FBLN7: variants seen among roughly 807,000 people sequenced by gnomAD.
The protein encoded by FBLN7 is fibulin-7.
In FBLN7, 31 loss-of-function variants were observed where a neutral mutation model predicts 44.0. The ratio of observed to expected loss-of-function variants is 0.70; its 90% confidence interval spans 0.53 to 0.95. The LOEUF is 0.95. FBLN7 is among the 40% of genes least tolerant of loss of function. The pLI is 0.00. For synonymous variants in FBLN7, 262 were observed against 253.4 expected, an observed-to-expected ratio of 1.03 and a Z score of -0.32; for missense variants, 573 against 618.5, an observed-to-expected ratio of 0.93 and a Z score of 0.78.
At chr2:112,209,280 C>T in the FBLN7 span, among the ~76,000 whole-genome samples, 8 of 152,176 alleles carry the variant, frequency 5.3e-5, 1 homozygote, top group Middle Eastern at 6.3e-3. Context: ...CCCCCTTTAT[C>T]TGCACCTCCG....
At chr2:112,168,079 C>T (rs1018312237) in intron 3 of FBLN7, among the ~76,000 whole-genome samples, 10 of 152,154 alleles carry the variant, frequency 6.6e-5, no homozygotes, top group South Asian at 2.1e-4. Context: ...ACCTGCCAGG[C>T]GTCCAGCAAG....
At position 112,162,269 on chromosome 2, in the gene FBLN7, C is replaced by G. The variant is rs1163617047; in HGVS notation, c.235+2434C>G. On this transcript the variant is annotated intron_variant, in intron 2 of 7. Coordinates refer to ENST00000331203, the MANE Select transcript of FBLN7 (RefSeq NM_153214.3). ...AAGCGATCCTCCAGCCTCAGCTTCGCAAAGTGCTGGGATTACAGGCGGGTG... is the reference window on the plus strand; with the variant it reads ...AAGCGATCCTCCAGCCTCAGCTTCGGAAAGTGCTGGGATTACAGGCGGGTG... Among the ~76,000 whole-genome samples the G allele has an allele frequency of 1.3e-5, 2 of 151,424 alleles. 1 individual carries two copies. The highest frequency in any genetic ancestry group is 4.2e-4 in the South Asian group (2 of 4,802).
chr2:112,173,743 C>T (rs1434317872), intron 3 of FBLN7, among the ~76,000 whole-genome samples: 1 of 152,192 alleles, frequency 6.6e-6, no homozygotes, highest in Non-Finnish European at 1.5e-5. Flanking sequence ...TGACTGAATG[C>T]CACAGCCTGG....
In FBLN7 at chr2:112,182,799, G is replaced by T. The variant is rs776911504; in HGVS notation, c.679G>T (p.Glu227Ter). ...AGCACTTCTGTCTGCAGACGTGAACGAGTGTGAGCTCTACGGGCAGGAGGG... is the reference window on the plus strand; with the variant it reads ...AGCACTTCTGTCTGCAGACGTGAACTAGTGTGAGCTCTACGGGCAGGAGGG... ...AGDSVCQDVN[E>*]CELYGQEGRP... The change falls in exon 6 of 8, where the codon GAG (glutamate) becomes TAG (stop). Residue 227 changes from glutamate to a stop codon, truncating the protein, a stop_gained. Coordinates refer to ENST00000331203, the MANE Select transcript of FBLN7 (RefSeq NM_153214.3). LOFTEE classifies it high-confidence loss of function. 1.9e-6 allele frequency: 3 copies of T among 1,602,460 alleles called. No homozygotes were observed.
At chr2:112,153,309 C>G (rs1681257066) in intron 1 of FBLN7, 1 of 152,210 alleles carries the variant, frequency 6.6e-6, no homozygotes, top group South Asian at 2.1e-4. Flanking sequence ...CATCTGTGTT[C>G]CCATTAACAA....
chr2:112,159,194 T>TG (rs1681590220), intron 1 of FBLN7, among the ~76,000 whole-genome samples: 1 of 151,804 alleles, frequency 6.6e-6, no homozygotes, highest in African/African-American at 2.4e-5. Flanking sequence ...CTAGTGAGTT[T>TG]TTTTTTTTCT....
At chr2:112,238,456 T>C in the FBLN7 span, 1 of 1,613,482 alleles carries the variant, frequency 6.2e-7, no homozygotes, top group South Asian at 1.1e-5. Context: ...TCATTATCAC[T>C]ATATACATCA....
At chr2:112,173,818 A>T (rs1466850514) in intron 3 of FBLN7, among the ~76,000 whole-genome samples, 3 of 152,258 alleles carry the variant, frequency 2.0e-5, no homozygotes, top group Admixed American at 1.3e-4. Context: ...CGGGCTGGAC[A>T]TCAGGCCATT....
At chr2:112,181,359 A>G (rs1485693809) in intron 4 of FBLN7, among the ~76,000 whole-genome samples, 3 of 152,206 alleles carry the variant, frequency 2.0e-5, no homozygotes, top group African/African-American at 4.8e-5. Flanking sequence ...GAATACACAC[A>G]CACACACAAA....
At chr2:112,191,517 T>C (rs1683490833), downstream of FBLN7, among the ~76,000 whole-genome samples, 1 of 152,088 alleles carries the variant, frequency 6.6e-6, no homozygotes, top group Non-Finnish European at 1.5e-5. Flanking sequence ...CTCTATCTGC[T>C]CTCTTTCTCT....
chr2:112,234,450 A>G, the FBLN7 span, among the ~76,000 whole-genome samples: 51 of 152,190 alleles, frequency 3.4e-4, 3 homozygotes, highest in Non-Finnish European at 1.5e-4. Flanking sequence ...TAATGTTTGT[A>G]TTGATTTGAA....
the FBLN7 span, among the ~76,000 whole-genome samples, chr2:112,242,987 A>G: frequency 1.3e-5 from 2 of 152,252 alleles, no homozygotes; most frequent in Admixed American, 1.3e-4. Flanking sequence ...TTCTTAAGAC[A>G]AGTGGCCTTT....
the FBLN7 span, among the ~76,000 whole-genome samples, chr2:112,207,332 T>C: frequency 6.6e-6 from 1 of 152,080 alleles, no homozygotes; most frequent in African/African-American, 2.4e-5. Flanking sequence ...CCGGGTGTGG[T>C]GGCAGGCACC....
chr2:112,210,632 C>T, the FBLN7 span, among the ~76,000 whole-genome samples: 11 of 111,968 alleles, frequency 9.8e-5, no homozygotes, highest in African/African-American at 1.4e-4. Context: ...CTCCAGCCTG[C>T]GTGACAGAGT....
At chr2:112,213,914 C>T in the FBLN7 span, 1 of 144,712 alleles carries the variant, frequency 6.9e-6, no homozygotes, top group Non-Finnish European at 1.5e-5. Flanking sequence ...CCATTCTATT[C>T]TGTGATTTCC....
At chr2:112,180,387 G>C (rs55937313) in intron 4 of FBLN7, among the ~76,000 whole-genome samples, 5,303 of 152,230 alleles carry the variant, frequency 0.035, 343 homozygotes, top group African/African-American at 0.12. Context: ...CTTATACACT[G>C]TTGGTGGGAG....
chr2:112,217,852 G>A, the FBLN7 span, among the ~76,000 whole-genome samples: 1 of 151,946 alleles, frequency 6.6e-6, no homozygotes, highest in Non-Finnish European at 1.5e-5. Flanking sequence ...ATCTATATCT[G>A]AAAAAAAATG....
Position 112,187,399 on chromosome 2 carries a change from C to G in FBLN7, c.1213C>G (p.Pro405Ala). The G allele has an allele frequency of 1.2e-6, 2 of 1,614,178 alleles. No homozygotes were observed. Among genetic ancestry groups the G allele is most frequent in the African/African-American group, 2.7e-5 (2 of 75,048 alleles). The change falls in exon 8 of 8, where the codon CCT (proline) becomes GCT (alanine). Residue 405 changes from proline to alanine, a missense_variant. Coordinates refer to ENST00000331203, the MANE Select transcript of FBLN7 (RefSeq NM_153214.3). The surrounding 1 kb of genome is among the most constrained non-coding windows in gnomAD (Gnocchi z 5.1). The stretch of plus-strand genomic sequence containing the variant: ...GATCCTTGTGCAGAACCTGGAGGGG[C>G]CTCAGACGCTGGAGGTGGACGTCGA... Reference protein sequence around the residue: ...DLILVQNLEGPQTLEVDVDMS... With the variant: ...DLILVQNLEGAQTLEVDVDMS...
chr2:112,181,291 TAACA>T (rs1259618090), intron 4 of FBLN7, among the ~76,000 whole-genome samples: 1 of 152,090 alleles, frequency 6.6e-6, no homozygotes, highest in Non-Finnish European at 1.5e-5. Context: ...TTTATCTATG[TAACA>T]AACCTTCACA....
Sources: gnomAD v4.1 joint callset for allele counts (sites outside exome capture counted in the v4.1 genomes callset) on GRCh38, gnomAD v4.1.1 for gene constraint, Gnocchi (gnomAD v3.1) non-coding constraint, MANE v1.5 for transcripts, NCBI Gene and HGNC (gene_info 2026-07-23, HGNC 2026-07-21) for gene names.